Variants in SLC36A2 observed in about 807,000 individuals in gnomAD.
SLC36A2 encodes the protein proton-coupled amino acid transporter 2.
A neutral mutation model predicts 42.7 loss-of-function variants in SLC36A2; 39 were observed. That is an observed-to-expected ratio of 0.91 (90% CI 0.71 to 1.19). The LOEUF is 1.19. SLC36A2 is among the 50% of genes most tolerant of loss of function. SLC36A2 has a pLI of 0.00. For missense variants in SLC36A2, 590 were observed against 613.7 expected (o/e 0.96, Z 0.41); for synonymous variants, 237 against 240.8 (o/e 0.98, Z 0.15).
chr5:151,325,099 G>A lies in SLC36A2; in HGVS notation c.1010+187C>T, dbSNP rs1436461460. The A allele has an allele frequency of 1.1e-5, 8 of 708,336 alleles. No individual in the cohort carries two copies. The East Asian group carries it at 2.2e-4, about 19-fold the overall frequency. 43.9% of individuals were successfully genotyped at this position (708,336 alleles called of 1,614,324 possible). ...GATGTCAAGGCTTAACTCAATTTGG[G>A]AGGCTGTTGTTGAAGGAGGAACTCC... is the stretch of plus-strand genomic sequence containing the variant. On this transcript the variant is annotated intron_variant, in intron 8 of 9. Coordinates refer to ENST00000335244, the MANE Select transcript of SLC36A2 (RefSeq NM_181776.3).
chr5:151,330,943 T>C (rs1292252172), intron 7 of SLC36A2, among the ~76,000 whole-genome samples: 1 of 152,208 alleles, frequency 6.6e-6, no homozygotes, highest in Non-Finnish European at 1.5e-5. Context: ...ACTATAGAAC[T>C]ATAGTAATCA....
At chr5:151,327,936 G>T (rs929129641) in intron 7 of SLC36A2, among the ~76,000 whole-genome samples, 1 of 152,164 alleles carries the variant, frequency 6.6e-6, no homozygotes, top group Non-Finnish European at 1.5e-5. Flanking sequence ...CTGTAAAATT[G>T]GAGACTGGGC....
In SLC36A2 at chr5:151,343,307, A is replaced by G. The variant is rs75785800; in HGVS notation, c.344+203T>C. On this transcript the variant is annotated intron_variant, in intron 3 of 9. Transcript: ENST00000335244. ...AATTTCCAGAGGAGCCAACCAGATA[A>G]GCACAATAGCCTGACTGAGATCTCC... Among the ~76,000 whole-genome samples, 885 of 152,326 alleles carry G rather than the reference A, an allele frequency of 5.8e-3. 12 individuals are homozygous for G. The highest frequency in any genetic ancestry group is 0.02 in the African/African-American group (814 of 41,574).
intron 4 of SLC36A2, among the ~76,000 whole-genome samples, chr5:151,340,178 G>GA: frequency 1.5e-4 from 3 of 20,250 alleles, no homozygotes; most frequent in Non-Finnish European, 2.4e-4. Context: ...GAAGGAGGAG[G>GA]AGGAGGAAGA....
At chr5:151,322,587 A>G (rs1032311109) in intron 8 of SLC36A2, among the ~76,000 whole-genome samples, 1 of 152,262 alleles carries the variant, frequency 6.6e-6, no homozygotes, top group Non-Finnish European at 1.5e-5. Context: ...ATAAGTGGCT[A>G]AGACCAAAAG....
At chr5:151,339,317 CTT>C (rs113317650) in intron 4 of SLC36A2, among the ~76,000 whole-genome samples, 173 bp from the exon 5 acceptor site, 9 of 144,938 alleles carry the variant, frequency 6.2e-5, no homozygotes, top group Admixed American at 1.4e-4. Context: ...AACAATCGTT[CTT>C]TTTTTTTTTT....
chr5:151,331,294 TCTTTC>T (rs1755989437), intron 7 of SLC36A2, among the ~76,000 whole-genome samples: 1 of 152,074 alleles, frequency 6.6e-6, no homozygotes, highest in African/African-American at 2.4e-5. Flanking sequence ...TTTCTTTCTT[TCTTTC>T]TTTTTTTCTG....
intron 9 of SLC36A2, among the ~76,000 whole-genome samples, chr5:151,318,611 ATAAT>A (rs1252472205): frequency 6.8e-6 from 1 of 146,630 alleles, no homozygotes; most frequent in Admixed American, 6.8e-5. Flanking sequence ...ATAAATATAA[ATAAT>A]ATAAATAAAT....
rs576942162 is a variant in SLC36A2, at chr5:151,331,953, G to A, written c.843+1271C>T. Among the ~76,000 whole-genome samples, 360 of 152,092 alleles carry A rather than the reference G, an allele frequency of 2.4e-3. 1 individual carries two copies. The highest frequency in any genetic ancestry group is 6.2e-3 in the Admixed American group (94 of 15,274). On this transcript the variant is annotated intron_variant, in intron 7 of 9. Transcript: ENST00000335244. The stretch of plus-strand genomic sequence containing the variant: ...GCCATCTTAGCTCACTGCAACTTCC[G>A]CTTCCTGGGTTCAAGTGATTCTCCT...
At chr5:151,317,176 G>C (rs1273595120) in intron 9 of SLC36A2, 88 bp from the exon 10 acceptor site, 1 of 1,513,154 alleles carries the variant, frequency 6.6e-7, no homozygotes, top group African/African-American at 1.4e-5. Flanking sequence ...TCTTGGCCAG[G>C]CACAGTGGCT....
At chr5:151,325,065 T>C (rs1755812568) in intron 8 of SLC36A2, 4 of 616,280 alleles carry the variant, frequency 6.5e-6, no homozygotes, top group South Asian at 5.3e-5. Flanking sequence ...ATGTCCTCCT[T>C]CACACTAAGA....
chr5:151,326,319 C>T (rs896050647), intron 7 of SLC36A2, among the ~76,000 whole-genome samples: 5 of 152,188 alleles, frequency 3.3e-5, no homozygotes, highest in African/African-American at 1.2e-4. Context: ...CCTCCCCTCA[C>T]CCCCACCTAC....
chr5:151,336,236 A>G (rs896024652), intron 5 of SLC36A2, among the ~76,000 whole-genome samples: 5 of 152,166 alleles, frequency 3.3e-5, no homozygotes, highest in Non-Finnish European at 7.3e-5. Flanking sequence ...TGGGGCATTC[A>G]GACCCTCTTC....
intron 4 of SLC36A2, among the ~76,000 whole-genome samples, chr5:151,339,373 G>A (rs942526432): frequency 6.6e-6 from 1 of 151,322 alleles, no homozygotes; most frequent in Non-Finnish European, 1.5e-5. Context: ...GGAGTGCAAT[G>A]GTGGGATCTC....
At chr5:151,323,576 T>G (rs1047337815) in intron 8 of SLC36A2, among the ~76,000 whole-genome samples, 4 of 151,058 alleles carry the variant, frequency 2.6e-5, no homozygotes, top group Non-Finnish European at 4.4e-5. Context: ...GCAGTCCAAC[T>G]GGGACCTGGA....
chr5:151,332,549 T>C (rs1756028048), intron 7 of SLC36A2: 3 of 424,906 alleles, frequency 7.1e-6, no homozygotes, highest in Middle Eastern at 3.4e-4. Context: ...CAAGGTGTTA[T>C]TGATGTGTGC....
chr5:151,326,073 G>A (rs1240985217), intron 7 of SLC36A2, among the ~76,000 whole-genome samples: 3 of 152,144 alleles, frequency 2.0e-5, no homozygotes, highest in Non-Finnish European at 4.4e-5. Flanking sequence ...AAAAAGGTAG[G>A]AAGATGAGGG....
chr5:151,329,895 C>T (rs1755950370), intron 7 of SLC36A2, among the ~76,000 whole-genome samples: 1 of 152,034 alleles, frequency 6.6e-6, no homozygotes, highest in South Asian at 2.1e-4. Flanking sequence ...ATCAAAACTG[C>T]AGTATTCATG....
At chr5:151,332,158 C>T (rs246489) in intron 7 of SLC36A2, among the ~76,000 whole-genome samples, 83,725 of 151,788 alleles carry the variant, frequency 0.55, 23,699 homozygotes, top group East Asian at 0.86. Flanking sequence ...TGAACCACCG[C>T]GCCCGGCTCC....
Sources: allele counts gnomAD v4.1 joint callset (sites outside exome capture counted in the v4.1 genomes callset), GRCh38; gene constraint gnomAD v4.1.1; transcripts MANE v1.5; gene names NCBI Gene and HGNC (gene_info 2026-07-23, HGNC 2026-07-21).